PREX1: variants seen among roughly 807,000 people sequenced by gnomAD.
PREX1 encodes phosphatidylinositol-3,4,5-trisphosphate dependent Rac exchange factor 1, also known as phosphatidylinositol 3,4,5-trisphosphate-dependent Rac exchanger 1 protein.
Under a neutral mutation model 198.3 loss-of-function variants are expected in PREX1, and 41 were observed. The observed-to-expected ratio is 0.21, with a 90% confidence interval of 0.16 to 0.27. The LOEUF (loss-of-function observed/expected upper bound fraction) is 0.27. Among genes scored for constraint, PREX1 ranks in the 10% least tolerant of loss-of-function variants. PREX1 has a pLI of 1.00. For synonymous variants in PREX1, 843 were observed against 887.2 expected (o/e 0.95, Z 0.89); for missense variants, 1,620 against 2,200.7 (o/e 0.74, Z 5.28).
At chr20:48,788,381 G>A (rs2090322673) in intron 1 of PREX1, among the ~76,000 whole-genome samples, 1 of 152,122 alleles carries the variant, frequency 6.6e-6, no homozygotes, top group South Asian at 2.1e-4. Context: ...CAAACAGGAA[G>A]CTCCCCTCTT....
intron 1 of PREX1, among the ~76,000 whole-genome samples, chr20:48,771,652 C>A (rs1242506691): frequency 6.6e-6 from 1 of 152,014 alleles, no homozygotes; most frequent in African/African-American, 2.4e-5. Flanking sequence ...TAAAAAAAGG[C>A]AACAAAAGTT....
At chr20:48,884,868 T>C in the PREX1 span, among the ~76,000 whole-genome samples, 4 of 152,100 alleles carry the variant, frequency 2.6e-5, no homozygotes, top group African/African-American at 9.7e-5. Context: ...TCCTAGCACT[T>C]TGGGAGGCAG....
At chr20:48,700,622 A>G in intron 7 of PREX1, 131 bp downstream of exon 7, 2 of 1,226,726 alleles carry the variant, frequency 1.6e-6, no homozygotes, top group Non-Finnish European at 2.3e-6. Context: ...TATTCCTACT[A>G]GACAGCACTG....
chr20:48,813,998 G>A (rs1278138144), intron 1 of PREX1, among the ~76,000 whole-genome samples: 2 of 152,192 alleles, frequency 1.3e-5, no homozygotes, highest in East Asian at 1.9e-4. Flanking sequence ...CCACTGGCTG[G>A]TGGCTGAGAC....
chr20:48,690,274 A>C (rs539498821), intron 9 of PREX1, among the ~76,000 whole-genome samples: 1 of 152,288 alleles, frequency 6.6e-6, no homozygotes, highest in African/African-American at 2.4e-5. Context: ...GTTATATGTC[A>C]GATTTTGAAA....
intron 1 of PREX1, among the ~76,000 whole-genome samples, chr20:48,791,139 G>A (rs1269549914): frequency 6.8e-6 from 1 of 146,726 alleles, no homozygotes; most frequent in Non-Finnish European, 1.5e-5. Context: ...TTGGAACTGT[G>A]CAGATTCATG....
chr20:48,653,196 G>A (rs576923256), intron 20 of PREX1, among the ~76,000 whole-genome samples, 165 bp downstream of exon 20: 15 of 152,236 alleles, frequency 9.9e-5, no homozygotes, highest in Non-Finnish European at 2.1e-4. Flanking sequence ...AGGATGCAGC[G>A]GGAGCACAAA....
intron 1 of PREX1, among the ~76,000 whole-genome samples, chr20:48,787,816 G>C (rs1004958072): frequency 1.3e-5 from 2 of 152,146 alleles, no homozygotes; most frequent in Non-Finnish European, 2.9e-5. Context: ...TTTGAAAAAT[G>C]ATCAAAACAC....
At chr20:48,686,745 T>C (rs1017858123) in intron 10 of PREX1, among the ~76,000 whole-genome samples, 4 of 152,290 alleles carry the variant, frequency 2.6e-5, no homozygotes, top group Admixed American at 6.5e-5. Flanking sequence ...TTGAGGAAAA[T>C]AGGGCACCAA....
At chr20:48,673,164 TG>T (rs751323894) in intron 14 of PREX1, among the ~76,000 whole-genome samples, 1 of 152,184 alleles carries the variant, frequency 6.6e-6, no homozygotes, top group Non-Finnish European at 1.5e-5. Flanking sequence ...TGGGTGTGTG[TG>T]TAAAGCCCAC....
At chr20:48,645,162 G>A (rs1436372935) in intron 26 of PREX1, among the ~76,000 whole-genome samples, 6 of 152,202 alleles carry the variant, frequency 3.9e-5, no homozygotes, top group East Asian at 3.9e-4. Context: ...GAACATTCAC[G>A]CTGCGAGGAC....
rs569127056 is a variant in PREX1, at chr20:48,678,917, G to A, written c.1589+443C>T. On this transcript the variant is annotated intron_variant, in intron 13 of 39. Coordinates refer to ENST00000371941, the MANE Select transcript of PREX1 (RefSeq NM_020820.4). ...GGTGACACTTTATGCAGGTAGGCAG[G>A]GAAGACCCCTGTGATATGGAGGCGT... 2.6e-5 allele frequency among the ~76,000 whole-genome samples: 4 copies of A among 152,332 alleles called. No homozygotes were observed. The East Asian group carries it at 5.8e-4, about 22-fold the overall frequency.
chr20:48,654,319 G>A (rs991273992), intron 19 of PREX1, among the ~76,000 whole-genome samples: 1 of 152,346 alleles, frequency 6.6e-6, no homozygotes, highest in South Asian at 2.1e-4. Flanking sequence ...TCTTTTTACC[G>A]TCTTTGCCTA....
chr20:48,624,282 T>TA lies in PREX1; in HGVS notation c.*1602dup, dbSNP rs1297891174. ...ATTATAAACTGACTTTTAATAATAA[T>TA]AAAAAATCTATCAAGAATTTAACGA... is the stretch of plus-strand genomic sequence containing the variant. On this transcript the variant is annotated 3_prime_UTR_variant, in exon 40 of 40. Transcript: ENST00000371941. 1.4e-5 allele frequency: 2 copies of TA among 143,448 alleles called. No homozygotes were observed. Among genetic ancestry groups the TA allele is most frequent in the African/African-American group, 2.6e-5 (1 of 38,608 alleles). 8.9% of individuals were successfully genotyped at this position (143,448 alleles called of 1,614,324 possible).
At chr20:48,734,521 C>T (rs760008783) in intron 4 of PREX1, 25 bp downstream of exon 4, 1 of 1,596,914 alleles carries the variant, frequency 6.3e-7, no homozygotes, top group Non-Finnish European at 8.6e-7. Flanking sequence ...TGCAAGGGAG[C>T]ACCAGGGCTG....
rs551112674 is a variant in PREX1 at position 48,821,159 on chromosome 20, G to A, written c.219+6483C>T. Among the ~76,000 whole-genome samples, 55 of 152,186 alleles carry A rather than the reference G, an allele frequency of 3.6e-4. 3 individuals carry two copies. Among genetic ancestry groups the A allele is most frequent in the African/African-American group, 1.1e-3 (44 of 41,510 alleles). On this transcript the variant is annotated intron_variant, in intron 1 of 39. Transcript: ENST00000371941. ...AGAGGTTGAAGTGAGCCAAGATCAC[G>A]CCACTGCACTCCAGACTGGGCGACA...
the PREX1 span, among the ~76,000 whole-genome samples, chr20:48,848,595 T>C: frequency 8.5e-5 from 13 of 152,114 alleles, no homozygotes; most frequent in Non-Finnish European, 1.9e-4. Flanking sequence ...TACATGAGTA[T>C]AGTCTCCTGC....
chr20:48,641,858 G>A (rs1313362431), intron 29 of PREX1, among the ~76,000 whole-genome samples: 2 of 74,862 alleles, frequency 2.7e-5, no homozygotes, highest in South Asian at 1.4e-3. Context: ...AAGGAAGGAA[G>A]GAAGGAAGGA....
upstream of PREX1, among the ~76,000 whole-genome samples, chr20:48,828,715 C>A (rs143394391): frequency 2.9e-4 from 44 of 152,332 alleles, 2 homozygotes; most frequent in East Asian, 8.1e-3. Flanking sequence ...TTCTGAACTT[C>A]TTTGCCCCCT....
Sources: gnomAD v4.1 joint callset for allele counts (sites outside exome capture counted in the v4.1 genomes callset) on GRCh38, gnomAD v4.1.1 for gene constraint, MANE v1.5 for transcripts, NCBI Gene and HGNC (gene_info 2026-07-23, HGNC 2026-07-21) for gene names.